SLC30A4: variants seen among roughly 807,000 people sequenced by gnomAD.
SLC30A4 encodes solute carrier family 30 member 4.
SLC30A4 carries 20 observed loss-of-function variants against 41.7 expected under a neutral mutation model. The ratio of observed to expected loss-of-function variants is 0.48; its 90% CI spans 0.34 to 0.70. The LOEUF (loss-of-function observed/expected upper bound fraction) is 0.70. Among genes scored for constraint, SLC30A4 ranks in the 30% least tolerant of loss-of-function variants. SLC30A4 has a pLI of 0.01. For missense variants in SLC30A4, 441 were observed against 529.3 expected, an observed-to-expected ratio of 0.83 and a Z score of 1.64; for synonymous variants, 181 against 195.9, an observed-to-expected ratio of 0.92 and a Z score of 0.64.
intron 3 of SLC30A4, among the ~76,000 whole-genome samples, chr15:45,491,217 C>T (rs1891803651): frequency 6.6e-6 from 1 of 151,952 alleles, no homozygotes; most frequent in South Asian, 2.1e-4. Flanking sequence ...ATGTGTTTAG[C>T]ACTTACAGAA....
chr15:45,501,691 A>G (rs975485767), intron 3 of SLC30A4, among the ~76,000 whole-genome samples: 8 of 152,024 alleles, frequency 5.3e-5, no homozygotes, highest in Non-Finnish European at 1.0e-4. Context: ...TTTTGTAAAG[A>G]TAGGGGTCTC....
At chr15:45,505,843 G>C (rs914613050) in intron 3 of SLC30A4, among the ~76,000 whole-genome samples, 1 of 152,168 alleles carries the variant, frequency 6.6e-6, no homozygotes, top group African/African-American at 2.4e-5. Context: ...GGGAGATGGA[G>C]TGGAGGGGAA....
chr15:45,498,795 T>C (rs575543899), intron 3 of SLC30A4, among the ~76,000 whole-genome samples: 27 of 152,222 alleles, frequency 1.8e-4, no homozygotes, highest in Admixed American at 6.5e-4. Context: ...GCATAACTTT[T>C]GTCAGTGGTG....
chr15:45,516,504 T>C (rs1170444392), intron 2 of SLC30A4, among the ~76,000 whole-genome samples: 1 of 152,180 alleles, frequency 6.6e-6, no homozygotes, highest in Admixed American at 6.5e-5. Flanking sequence ...TCCAAAATTT[T>C]TGTTGCTATC....
chr15:45,489,143 A>C, intron 4 of SLC30A4, 101 bp from the exon 5 acceptor site: 1 of 852,598 alleles, frequency 1.2e-6, no homozygotes, highest in Non-Finnish European at 1.8e-6. Context: ...TCATTTATTT[A>C]ATAAATTTGG....
Position 45,484,446 on chromosome 15 carries a change from T to C in SLC30A4, c.*717A>G, listed in dbSNP as rs1452271289. 1.3e-5 allele frequency: 2 copies of C among 152,178 alleles called. No individual in the cohort carries two copies. The highest frequency in any genetic ancestry group is 2.9e-5 in the Non-Finnish European group (2 of 68,018). The allele number at this position is 152,178 out of a possible 1,614,324, so 9.4% of individuals were successfully genotyped here. A position where few individuals can be genotyped will look rare whatever the true frequency, so the allele number is the denominator to read the frequency against. ...CTAACTTCAGCCATTCAGAATAATATTGAAAGTATTTCCTAAATCATTTAA... is the reference window on the plus strand; with the variant it reads ...CTAACTTCAGCCATTCAGAATAATACTGAAAGTATTTCCTAAATCATTTAA... On this transcript the variant is annotated 3_prime_UTR_variant, in exon 8 of 8. Coordinates refer to ENST00000261867, the MANE Select transcript of SLC30A4 (RefSeq NM_013309.6).
chr15:45,521,240 T>C (rs887977034), intron 2 of SLC30A4, among the ~76,000 whole-genome samples: 4 of 152,204 alleles, frequency 2.6e-5, no homozygotes, highest in Non-Finnish European at 5.9e-5. Flanking sequence ...GTATCTTATA[T>C]TGAGAACGGA....
intron 3 of SLC30A4, among the ~76,000 whole-genome samples, chr15:45,505,913 C>T (rs924727980): frequency 1.3e-5 from 2 of 152,220 alleles, no homozygotes; most frequent in South Asian, 4.1e-4. Flanking sequence ...GGCATGATGG[C>T]TTATCTCTGT....
At chr15:45,493,431 AT>A (rs1177628561) in intron 3 of SLC30A4, among the ~76,000 whole-genome samples, 4 of 152,222 alleles carry the variant, frequency 2.6e-5, no homozygotes, top group Non-Finnish European at 5.9e-5. Flanking sequence ...GGTTAAGTAT[AT>A]TGGACTCTGA....
At position 45,485,179 on chromosome 15, in the gene SLC30A4, T is replaced by A. The variant is rs770492123; in HGVS notation, c.1274A>T (p.Gln425Leu). The change falls in exon 8 of 8, where the codon CAG becomes CTG. Residue 425 changes from glutamine (Q) to leucine (L), a missense_variant. Physicochemically the swap from Gln to Leu is moderately radical, Grantham distance 113. This residue lies in a region of SLC30A4 where 100 missense variants were observed against 121.0 expected (regional missense o/e 0.83). Coordinates refer to ENST00000261867, the MANE Select transcript of SLC30A4 (RefSeq NM_013309.6). ...QEVDRTCANCQSSSP is the reference protein window; with the variant it reads ...QEVDRTCANCLSSSP ...TACATAAAATTAGGGACTAGAACTCTGACAATTTGCACAAGTTCTGTCCAC... is the reference window on the plus strand; with the variant it reads ...TACATAAAATTAGGGACTAGAACTCAGACAATTTGCACAAGTTCTGTCCAC... 6.2e-6 allele frequency: 10 copies of A among 1,612,408 alleles called. No homozygotes were observed. The East Asian group carries it at 2.2e-4, about 36-fold the overall frequency.
intron 3 of SLC30A4, among the ~76,000 whole-genome samples, chr15:45,493,844 A>C (rs1207186272): frequency 6.6e-6 from 1 of 152,090 alleles, no homozygotes; most frequent in Non-Finnish European, 1.5e-5. Context: ...AAAACAAAAA[A>C]AACACTCCTA....
At position 45,521,304 on chromosome 15, in the gene SLC30A4, G is replaced by A. The variant is rs1271374139; in HGVS notation, c.391+660C>T. Among the ~76,000 whole-genome samples the A allele has an allele frequency of 5.3e-5, 8 of 152,170 alleles. No homozygotes were observed. In the South Asian group the frequency reaches 1.0e-3, roughly 20 times the overall value. On this transcript the variant is annotated intron_variant, in intron 2 of 7. Coordinates refer to ENST00000261867, the MANE Select transcript of SLC30A4 (RefSeq NM_013309.6). ...AAAACCAGGCTCATAGAACTTTGGC[G>A]GAGTCCTCTGGTTCATTTCAGGCCC...
At chr15:45,486,859 C>A in intron 6 of SLC30A4, 114 bp from the exon 7 acceptor site, 1 of 582,408 alleles carries the variant, frequency 1.7e-6, no homozygotes. Context: ...TCACTTTAAA[C>A]AAATACTTTA....
intron 5 of SLC30A4, among the ~76,000 whole-genome samples, chr15:45,488,205 G>A (rs1210664242): frequency 2.6e-5 from 4 of 152,136 alleles, no homozygotes; most frequent in Non-Finnish European, 5.9e-5. Flanking sequence ...GCCAAGACTA[G>A]AACCCACTCA....
At chr15:45,515,799 G>A (rs567232097) in intron 2 of SLC30A4, 1 of 150,294 alleles carries the variant, frequency 6.7e-6, no homozygotes, top group Non-Finnish European at 1.5e-5. Context: ...CCAGGCTGGA[G>A]AGCAATTGCA....
At chr15:45,508,899 T>G (rs560204268) in intron 3 of SLC30A4, among the ~76,000 whole-genome samples, 103 of 152,306 alleles carry the variant, frequency 6.8e-4, no homozygotes, top group African/African-American at 2.5e-3. Context: ...TAATAGAAGT[T>G]TCATTATTAT....
At chr15:45,510,624 ACT>A (rs936702032) in intron 3 of SLC30A4, among the ~76,000 whole-genome samples, 2 of 151,898 alleles carry the variant, frequency 1.3e-5, no homozygotes, top group African/African-American at 4.8e-5. Flanking sequence ...TATGATTTTA[ACT>A]CTTTATAATT....
chr15:45,518,666 GA>G (rs752858218), intron 2 of SLC30A4, among the ~76,000 whole-genome samples: 5 of 152,002 alleles, frequency 3.3e-5, no homozygotes, highest in Non-Finnish European at 7.4e-5. Context: ...GGGCTCAACC[GA>G]TCCTGCCACT....
At chr15:45,501,872 G>A (rs1892041728) in intron 3 of SLC30A4, among the ~76,000 whole-genome samples, 1 of 151,992 alleles carries the variant, frequency 6.6e-6, no homozygotes, top group South Asian at 2.1e-4. Context: ...TCATCATCTA[G>A]GAGACAGAGT....
Sources: gnomAD v4.1 joint callset for allele counts (sites outside exome capture counted in the v4.1 genomes callset) on GRCh38, gnomAD v4.1.1 for gene constraint, gnomAD v4.1.1 regional missense constraint, MANE v1.5 for transcripts, NCBI Gene and HGNC (gene_info 2026-07-23, HGNC 2026-07-21) for gene names.